Variants in CERS6 observed in about 807,000 individuals in gnomAD.
The protein encoded by CERS6 is ceramide synthase 6, also known as LAG1 homolog, ceramide synthase 6.
Under a neutral mutation model 56.8 loss-of-function variants are expected in CERS6, and 26 were observed. The observed-to-expected ratio is 0.46, with a 90% CI of 0.34 to 0.63. The LOEUF is 0.63. Ranked by LOEUF, CERS6 falls within the 30% of genes least tolerant of loss-of-function variation. CERS6 has a pLI of 0.01. For synonymous variants in CERS6, 164 were observed against 173.3 expected (o/e 0.95, Z 0.42); for missense variants, 415 against 467.5 (o/e 0.89, Z 1.04).
At chr2:168,501,533 A>G (rs1475739621) in intron 1 of CERS6, among the ~76,000 whole-genome samples, 1 of 152,218 alleles carries the variant, frequency 6.6e-6, no homozygotes, top group Non-Finnish European at 1.5e-5. Flanking sequence ...TCGAAGAAAT[A>G]TTCCTTGGTC....
At chr2:168,752,279 A>ATGTGTGTG (rs397870530) in intron 8 of CERS6, among the ~76,000 whole-genome samples, 33,982 of 132,074 alleles carry the variant, frequency 0.26, 5,221 homozygotes, top group Non-Finnish European at 0.33. Context: ...AAAAAAATAA[A>ATGTGTGTG]TGTGTGTGTG....
intron 6 of CERS6, among the ~76,000 whole-genome samples, chr2:168,708,920 A>G (rs1430262099): frequency 6.6e-6 from 1 of 152,142 alleles, no homozygotes; most frequent in African/African-American, 2.4e-5. Flanking sequence ...ATGTGTATGT[A>G]TTATTTTTAA....
At chr2:168,657,692 C>T (rs922554945) in intron 4 of CERS6, among the ~76,000 whole-genome samples, 5 of 152,344 alleles carry the variant, frequency 3.3e-5, no homozygotes, top group Middle Eastern at 6.8e-3. Flanking sequence ...GTGCTAAGTC[C>T]CCCATTGCCC....
At chr2:168,490,778 C>T (rs893727533) in intron 1 of CERS6, among the ~76,000 whole-genome samples, 1 of 152,092 alleles carries the variant, frequency 6.6e-6, no homozygotes, top group South Asian at 2.1e-4. Flanking sequence ...GGGCTCCCTG[C>T]TTTTCTTTTG....
chr2:168,621,020 A>G (rs1402087583), intron 3 of CERS6, among the ~76,000 whole-genome samples: 1 of 152,122 alleles, frequency 6.6e-6, no homozygotes, highest in African/African-American at 2.4e-5. Context: ...AGCTGGGGAA[A>G]TTCACTTCTT....
chr2:168,621,807 CA>C (rs1253396821), intron 3 of CERS6, among the ~76,000 whole-genome samples: 1 of 152,100 alleles, frequency 6.6e-6, no homozygotes, highest in Non-Finnish European at 1.5e-5. Flanking sequence ...TATATGCATA[CA>C]ATATCTGATA....
intron 1 of CERS6, among the ~76,000 whole-genome samples, chr2:168,541,718 G>A (rs1695376447): frequency 6.6e-6 from 1 of 152,224 alleles, no homozygotes. Flanking sequence ...CATGCTTGCA[G>A]TGGACAGTGG....
rs1280314402 is a variant in CERS6, at chr2:168,741,394, A to G, written c.845+23416A>G. On this transcript the variant is annotated intron_variant, in intron 8 of 9. Coordinates refer to ENST00000305747, the MANE Select transcript of CERS6 (RefSeq NM_203463.3). ...GAATTAAAAAAAAAAAAAAAAAAAA[A>G]AGACAAACTTAGCTAGAAAACCAGT... Among the ~76,000 whole-genome samples, 14 of 143,648 alleles carry G rather than the reference A, an allele frequency of 9.7e-5. 1 individual carries two copies. The highest frequency in any genetic ancestry group is 2.8e-4 in the Admixed American group (4 of 14,472). 94.2% of individuals were successfully genotyped at this position (143,648 alleles called of 152,430 possible).
In CERS6 at chr2:168,758,160, C is replaced by G. The variant is rs77323801; in HGVS notation, c.846-7432C>G. On this transcript the variant is annotated intron_variant, in intron 8 of 9. Coordinates refer to ENST00000305747, the MANE Select transcript of CERS6 (RefSeq NM_203463.3). Reference sequence around the variant, plus strand: ...AGTCATCTTAGGTAGAATCTACTTTCATTTATGTTTTGTGTAGGTCAAATG... The same window carrying G: ...AGTCATCTTAGGTAGAATCTACTTTGATTTATGTTTTGTGTAGGTCAAATG... Among the ~76,000 whole-genome samples the G allele has an allele frequency of 1.8e-3, 277 of 152,290 alleles. 1 individual carries two copies. The highest frequency in any genetic ancestry group is 6.4e-3 in the African/African-American group (267 of 41,560).
At chr2:168,527,495 C>T (rs935953873) in intron 1 of CERS6, among the ~76,000 whole-genome samples, 8 of 152,142 alleles carry the variant, frequency 5.3e-5, no homozygotes, top group Admixed American at 3.9e-4. Context: ...AATAAAATAC[C>T]TGACACTGGG....
intron 3 of CERS6, among the ~76,000 whole-genome samples, chr2:168,576,081 T>G (rs1683257709): frequency 6.6e-6 from 1 of 152,072 alleles, no homozygotes; most frequent in African/African-American, 2.4e-5. Flanking sequence ...CCTGGTTGTC[T>G]CCATCATCCC....
intron 3 of CERS6, among the ~76,000 whole-genome samples, chr2:168,624,137 A>G (rs372820927): frequency 7.9e-5 from 12 of 152,152 alleles, no homozygotes; most frequent in East Asian, 7.7e-4. Context: ...CTGCTAGTAT[A>G]CATTCATGAC....
intron 1 of CERS6, among the ~76,000 whole-genome samples, chr2:168,461,734 T>C (rs896127240): frequency 2.0e-4 from 30 of 152,250 alleles, no homozygotes; most frequent in Admixed American, 1.9e-3. Context: ...GTAGGTGAGA[T>C]AACTTTAAAT....
chr2:168,505,778 G>C (rs1212232931), intron 1 of CERS6, among the ~76,000 whole-genome samples: 1 of 152,196 alleles, frequency 6.6e-6, no homozygotes, highest in Non-Finnish European at 1.5e-5. Flanking sequence ...AACTGGTCTA[G>C]TGTCAGTCTG....
At chr2:168,753,878 A>C (rs1001660678) in intron 8 of CERS6, among the ~76,000 whole-genome samples, 9 of 152,070 alleles carry the variant, frequency 5.9e-5, no homozygotes, top group Non-Finnish European at 1.2e-4. Flanking sequence ...AATTTCTTAC[A>C]CTCTAGGTAA....
intron 1 of CERS6, among the ~76,000 whole-genome samples, chr2:168,539,466 G>T (rs896778694): frequency 2.0e-5 from 3 of 152,110 alleles, no homozygotes; most frequent in African/African-American, 7.2e-5. Context: ...AAAGCTTTTG[G>T]CATATAGTAT....
intron 9 of CERS6, among the ~76,000 whole-genome samples, chr2:168,766,936 G>C (rs1213842562): frequency 2.6e-5 from 4 of 152,168 alleles, no homozygotes; most frequent in Non-Finnish European, 5.9e-5. Flanking sequence ...TTGTTCAGAA[G>C]CTAAAGTTCA....
At chr2:168,544,434 G>T (rs1695425934) in intron 1 of CERS6, among the ~76,000 whole-genome samples, 1 of 152,184 alleles carries the variant, frequency 6.6e-6, no homozygotes, top group Admixed American at 6.5e-5. Context: ...AAATGAGATT[G>T]TGCACAGGGC....
At chr2:168,480,371 G>A (rs141478086) in intron 1 of CERS6, among the ~76,000 whole-genome samples, 86 of 152,256 alleles carry the variant, frequency 5.6e-4, no homozygotes, top group African/African-American at 2.0e-3. Context: ...GTCTTTATAT[G>A]TCTAGGAATT....
Sources: allele counts gnomAD v4.1 joint callset (sites outside exome capture counted in the v4.1 genomes callset), GRCh38; gene constraint gnomAD v4.1.1; transcripts MANE v1.5; gene names NCBI Gene and HGNC (gene_info 2026-07-23, HGNC 2026-07-21).